DNAAF9: variants seen among roughly 807,000 people sequenced by gnomAD.
DNAAF9 encodes the protein shulin.
Under a neutral mutation model 167.0 loss-of-function variants are expected in DNAAF9, and 90 were observed. The ratio of observed to expected loss-of-function variants is 0.54; its 90% CI spans 0.45 to 0.64. The LOEUF (loss-of-function observed/expected upper bound fraction) is 0.64. Among genes scored for constraint, DNAAF9 ranks in the 30% least tolerant of loss-of-function variants. DNAAF9 has a pLI of 0.00. For synonymous variants in DNAAF9, 491 were observed against 508.8 expected, an observed-to-expected ratio of 0.96 and a Z score of 0.47; for missense variants, 1,315 against 1,442.2, an observed-to-expected ratio of 0.91 and a Z score of 1.43.
intron 35 of DNAAF9, among the ~76,000 whole-genome samples, chr20:3,254,093 T>A (rs745738697): frequency 7.2e-5 from 11 of 152,260 alleles, no homozygotes; most frequent in East Asian, 5.8e-4. Flanking sequence ...TTATTTATTT[T>A]TTTGAGATAG....
chr20:3,345,185 AT>A (rs1328843142), intron 8 of DNAAF9, among the ~76,000 whole-genome samples: 1 of 152,004 alleles, frequency 6.6e-6, no homozygotes, highest in South Asian at 2.1e-4. Context: ...CAGCCGGCTA[AT>A]TTTGCGTTTT....
intron 31 of DNAAF9, among the ~76,000 whole-genome samples, chr20:3,260,293 T>C (rs1453021095): frequency 6.6e-6 from 1 of 152,012 alleles, no homozygotes; most frequent in Non-Finnish European, 1.5e-5. Flanking sequence ...GAGGCGAGAT[T>C]GCGCCACTGC....
chr20:3,332,459 T>C, intron 10 of DNAAF9, 98 bp from the exon 11 acceptor site: 1 of 214,562 alleles, frequency 4.7e-6, no homozygotes, highest in South Asian at 1.1e-4. Flanking sequence ...ATAAATTTTC[T>C]TTTTTTTTTT....
chr20:3,285,966 C>A (rs1324728780), intron 27 of DNAAF9, among the ~76,000 whole-genome samples: 11 of 144,960 alleles, frequency 7.6e-5, no homozygotes, highest in African/African-American at 2.6e-4. Flanking sequence ...GGCAACAGAG[C>A]AAGACTCCGT....
In DNAAF9 at chr20:3,335,082, T is replaced by A. The variant is rs578107094; in HGVS notation, c.982-2721A>T. 5.3e-5 allele frequency among the ~76,000 whole-genome samples: 8 copies of A among 152,340 alleles called. No homozygotes were observed. The South Asian group carries it at 1.7e-3, about 32-fold the overall frequency. Reference sequence around the variant, plus strand: ...TTTATAATACAATCTATAATGTGGATATACACTGGGTGGTTTTTTATTTTT... The same window carrying A: ...TTTATAATACAATCTATAATGTGGAAATACACTGGGTGGTTTTTTATTTTT... On this transcript the variant is annotated intron_variant, in intron 10 of 36. Coordinates refer to ENST00000252032, the MANE Select transcript of DNAAF9 (RefSeq NM_001009984.3).
Position 3,402,183 on chromosome 20 carries a change from CCTAT to C in DNAAF9, c.83+5288_83+5291del, listed in dbSNP as rs1483517921. ...CTGCTAGAATCCTAGCATTCCTGATCCTATCTATGTGACTTACAGATATTGTCTT... is the reference window on the plus strand; with the variant it reads ...CTGCTAGAATCCTAGCATTCCTGATCCTATGTGACTTACAGATATTGTCTT... On this transcript the variant is annotated intron_variant, in intron 1 of 36. Transcript: ENST00000252032. Among the ~76,000 whole-genome samples, 7 of 152,230 alleles carry C rather than the reference CCTAT, an allele frequency of 4.6e-5. No homozygotes were observed. In the East Asian group the frequency reaches 1.4e-3, roughly 29 times the overall value.
At chr20:3,365,612 G>A (rs1043002442) in intron 6 of DNAAF9, among the ~76,000 whole-genome samples, 1 of 152,072 alleles carries the variant, frequency 6.6e-6, no homozygotes, top group Non-Finnish European at 1.5e-5. Flanking sequence ...GGCTGGTCTT[G>A]AACTTCTGAC....
intron 16 of DNAAF9, among the ~76,000 whole-genome samples, chr20:3,321,749 T>C (rs2069620111): frequency 6.6e-6 from 1 of 152,272 alleles, no homozygotes; most frequent in African/African-American, 2.4e-5. Flanking sequence ...AAAAAATTTT[T>C]TTTTTTAGAC....
intron 16 of DNAAF9, among the ~76,000 whole-genome samples, chr20:3,321,181 A>G (rs912371554): frequency 4.6e-5 from 7 of 152,064 alleles, no homozygotes; most frequent in African/African-American, 1.7e-4. Context: ...CCTGTTGATT[A>G]TTGGCCATTT....
intron 12 of DNAAF9, among the ~76,000 whole-genome samples, chr20:3,327,677 G>C (rs2069736881): frequency 6.6e-6 from 1 of 152,162 alleles, no homozygotes; most frequent in Admixed American, 6.5e-5. Context: ...AGCAATAAGG[G>C]CCTCTGGAAG....
chr20:3,394,913 A>AAGATTCCATGGCTTTT (rs2083877205), intron 1 of DNAAF9, among the ~76,000 whole-genome samples: 1 of 145,018 alleles, frequency 6.9e-6, no homozygotes, highest in Non-Finnish European at 1.5e-5. Context: ...CATTGTTTCA[A>AAGATTCCATGGCTTTT]AGATTCCATG....
At chr20:3,340,094 T>G (rs2123109690) in intron 10 of DNAAF9, among the ~76,000 whole-genome samples, 1 of 152,230 alleles carries the variant, frequency 6.6e-6, no homozygotes, top group East Asian at 1.9e-4. Context: ...TCTGGCACTC[T>G]CAATAAACAA....
chr20:3,316,779 T>C lies in DNAAF9; in HGVS notation c.1483A>G (p.Thr495Ala), dbSNP rs1295500740. 1.2e-6 allele frequency: 2 copies of C among 1,613,144 alleles called. No individual in the cohort carries two copies. The highest frequency in any genetic ancestry group is 2.2e-5 in the South Asian group (2 of 91,018). ...GTCAGGACTACGGAGCTGGTTTCTG[T>C]GGTAACAGTGCCATCTGCAGGAACA... ...LVKEKDGTVT[T>A]ETSSVVLTAA... Residue 495 changes from threonine to alanine, a missense_variant, in exon 18 of 37, where the codon ACA becomes GCA. Coordinates refer to ENST00000252032, the MANE Select transcript of DNAAF9 (RefSeq NM_001009984.3).
chr20:3,279,026 G>C (rs1190177890), intron 28 of DNAAF9, 77 bp from the exon 29 acceptor site: 1 of 1,038,340 alleles, frequency 9.6e-7, no homozygotes, highest in African/African-American at 1.6e-5. Context: ...ATACAAATAG[G>C]AGTACCACTG....
At chr20:3,263,770 T>G (rs926961500) in intron 31 of DNAAF9, among the ~76,000 whole-genome samples, 1 of 152,242 alleles carries the variant, frequency 6.6e-6, no homozygotes, top group South Asian at 2.1e-4. Context: ...TATGAAGCAC[T>G]TGAAATGTGG....
chr20:3,405,443 T>C (rs1032446230), intron 1 of DNAAF9, among the ~76,000 whole-genome samples: 1 of 152,158 alleles, frequency 6.6e-6, no homozygotes, highest in Non-Finnish European at 1.5e-5. Context: ...GGGAAAGGCT[T>C]GAATGGGCAA....
At chr20:3,273,120 C>T (rs2068622412) in intron 29 of DNAAF9, among the ~76,000 whole-genome samples, 1 of 152,134 alleles carries the variant, frequency 6.6e-6, no homozygotes, top group Admixed American at 6.6e-5. Context: ...CGTGAGCCAT[C>T]GCGCCCGGTG....
At chr20:3,341,585 T>A (rs1033926362) in intron 9 of DNAAF9, among the ~76,000 whole-genome samples, 3 of 152,102 alleles carry the variant, frequency 2.0e-5, no homozygotes, top group African/African-American at 7.2e-5. Flanking sequence ...GACTTCTGCT[T>A]CCTCCGCCTT....
chr20:3,337,243 G>A (rs6037556), intron 10 of DNAAF9, among the ~76,000 whole-genome samples: 1 of 150,024 alleles, frequency 6.7e-6, no homozygotes, highest in African/African-American at 2.5e-5. Context: ...TACTCCAAGG[G>A]TATTTGTAGT....
Sources: allele counts gnomAD v4.1 joint callset (sites outside exome capture counted in the v4.1 genomes callset), GRCh38; gene constraint gnomAD v4.1.1; transcripts MANE v1.5; gene names NCBI Gene and HGNC (gene_info 2026-07-23, HGNC 2026-07-21).